GRIK2: variants seen among roughly 807,000 people sequenced by gnomAD.
GRIK2 encodes the protein glutamate receptor ionotropic, kainate 2.
In GRIK2, 32 loss-of-function variants were observed where a neutral mutation model predicts 100.3. The ratio of observed to expected loss-of-function variants is 0.32; its 90% CI spans 0.24 to 0.43. The LOEUF is 0.43. Ranked by LOEUF, GRIK2 falls within the 20% of genes least tolerant of loss-of-function variation. GRIK2 has a pLI of 1.00. For missense variants in GRIK2, 843 were observed against 1,114.9 expected, an observed-to-expected ratio of 0.76 and a Z score of 3.47; for synonymous variants, 417 against 389.4, an observed-to-expected ratio of 1.07 and a Z score of -0.83.
At chr6:102,024,851 G>A (rs1769610147) in intron 14 of GRIK2, among the ~76,000 whole-genome samples, 1 of 150,270 alleles carries the variant, frequency 6.7e-6, no homozygotes, top group South Asian at 2.1e-4. Flanking sequence ...ATAAGTACAA[G>A]TCTAGTTATT....
chr6:101,960,372 A>AGTGT (rs1792220237), intron 14 of GRIK2, among the ~76,000 whole-genome samples: 1 of 151,956 alleles, frequency 6.6e-6, no homozygotes, highest in African/African-American at 2.4e-5. Context: ...CTAGACAGTT[A>AGTGT]GTGTGTTCCT....
intron 14 of GRIK2, among the ~76,000 whole-genome samples, chr6:101,938,259 G>C (rs1790733074): frequency 6.6e-6 from 1 of 151,966 alleles, no homozygotes. Context: ...AAGATGTCAA[G>C]TGATGCACCC....
chr6:102,046,638 C>G (rs977974011), intron 15 of GRIK2, among the ~76,000 whole-genome samples: 1 of 152,116 alleles, frequency 6.6e-6, no homozygotes, highest in Non-Finnish European at 1.5e-5. Flanking sequence ...CTCTTTTCTT[C>G]ATAAATTTCC....
intron 14 of GRIK2, among the ~76,000 whole-genome samples, chr6:102,024,780 G>A (rs1282290152): frequency 1.3e-5 from 2 of 150,892 alleles, no homozygotes; most frequent in Non-Finnish European, 3.0e-5. Flanking sequence ...TTAAAGCTGG[G>A]TCAGGTATAT....
In GRIK2 at chr6:101,859,283, T is replaced by C. The variant is rs371781809; in HGVS notation, c.1318-4T>C. 97 of 1,511,200 alleles carry C rather than the reference T, an allele frequency of 6.4e-5. 1 individual carries two copies. In the African/African-American group the frequency reaches 1.1e-3, roughly 18 times the overall value. The allele number at this position is 1,511,200 out of a possible 1,614,324, so 93.6% of individuals were successfully genotyped here. ...CCTCTTTTCTTCTTTTTCAATGTTT[T>C]CAGGAAGAGCCTTATGTCCTTTTTA... On this transcript the variant is annotated splice_region_variant and splice_polypyrimidine_tract_variant and intron_variant, in intron 10 of 16. Transcript: ENST00000369134.
chr6:102,006,565 G>A (rs753772000), intron 14 of GRIK2, among the ~76,000 whole-genome samples: 2 of 151,160 alleles, frequency 1.3e-5, no homozygotes, highest in East Asian at 2.0e-4. Flanking sequence ...ACAGGGTTTC[G>A]CCATGTTGCC....
At chr6:101,569,489 A>C (rs1042809450) in intron 2 of GRIK2, among the ~76,000 whole-genome samples, 1 of 151,888 alleles carries the variant, frequency 6.6e-6, no homozygotes, top group African/African-American at 2.4e-5. Flanking sequence ...ATAAATATAA[A>C]TATTATAAAG....
At chr6:101,691,084 C>T (rs1281995083) in intron 7 of GRIK2, among the ~76,000 whole-genome samples, 1 of 152,042 alleles carries the variant, frequency 6.6e-6, no homozygotes, top group Admixed American at 6.6e-5. Context: ...AACAGGAGCT[C>T]ATAATGAGAG....
At chr6:102,041,786 G>A (rs182824023) in intron 15 of GRIK2, among the ~76,000 whole-genome samples, 1,555 of 143,244 alleles carry the variant, frequency 0.011, 12 homozygotes, top group Non-Finnish European at 0.017. Context: ...TCTAATACGA[G>A]GTTTTAGAAA....
chr6:101,568,640 C>A (rs928382057), intron 2 of GRIK2, among the ~76,000 whole-genome samples: 2 of 152,004 alleles, frequency 1.3e-5, no homozygotes, highest in Non-Finnish European at 2.9e-5. Context: ...GGATTTTAAA[C>A]TCTTGGTAAT....
intron 2 of GRIK2, among the ~76,000 whole-genome samples, chr6:101,586,334 T>C (rs1403407203): frequency 6.6e-6 from 1 of 152,080 alleles, no homozygotes; most frequent in Non-Finnish European, 1.5e-5. Context: ...CAAAGTTTGT[T>C]TTTACACAGC....
intron 14 of GRIK2, among the ~76,000 whole-genome samples, chr6:102,011,623 A>C (rs1795542058): frequency 8.9e-6 from 1 of 112,908 alleles, no homozygotes; most frequent in Admixed American, 1.4e-4. Context: ...TCACTCTGTC[A>C]CCCAGGTTGG....
intron 2 of GRIK2, among the ~76,000 whole-genome samples, chr6:101,569,151 C>T (rs1040143299): frequency 1.3e-5 from 2 of 151,912 alleles, no homozygotes; most frequent in Non-Finnish European, 2.9e-5. Context: ...ATTCTGAGTC[C>T]TTTGTAACAA....
intron 11 of GRIK2, among the ~76,000 whole-genome samples, chr6:101,870,911 C>T (rs938973354): frequency 7.9e-5 from 12 of 151,810 alleles, no homozygotes; most frequent in African/African-American, 2.9e-4. Flanking sequence ...AATTTGAGAG[C>T]ACGTGTTCTG....
chr6:101,794,910 G>T (rs1177050873), intron 7 of GRIK2, among the ~76,000 whole-genome samples: 1 of 147,728 alleles, frequency 6.8e-6, no homozygotes, highest in African/African-American at 2.5e-5. Flanking sequence ...TTGTCACCCA[G>T]TCTGGAATGC....
At chr6:102,006,705 G>A (rs1282631052) in intron 14 of GRIK2, among the ~76,000 whole-genome samples, 5 of 151,176 alleles carry the variant, frequency 3.3e-5, no homozygotes, top group Admixed American at 2.6e-4. Context: ...TCCTTATTAA[G>A]CCCCTTGACC....
At chr6:102,008,926 A>G (rs1030971413) in intron 14 of GRIK2, among the ~76,000 whole-genome samples, 1 of 152,078 alleles carries the variant, frequency 6.6e-6, no homozygotes, top group African/African-American at 2.4e-5. Flanking sequence ...ACACATGTCC[A>G]TAGTTAAATT....
At chr6:101,677,978 A>G (rs1167765860) in intron 5 of GRIK2, among the ~76,000 whole-genome samples, 1 of 152,098 alleles carries the variant, frequency 6.6e-6, no homozygotes, top group Non-Finnish European at 1.5e-5. Flanking sequence ...TTTTTTTGGC[A>G]ACAAATAAAA....
intron 2 of GRIK2, among the ~76,000 whole-genome samples, chr6:101,443,176 C>T (rs1392103201): frequency 6.6e-6 from 1 of 152,018 alleles, no homozygotes; most frequent in Non-Finnish European, 1.5e-5. Flanking sequence ...GGATAAGAGG[C>T]ACATAGTTAC....
Sources: gnomAD v4.1 joint callset for allele counts (sites outside exome capture counted in the v4.1 genomes callset) on GRCh38, gnomAD v4.1.1 for gene constraint, MANE v1.5 for transcripts, NCBI Gene and HGNC (gene_info 2026-07-23, HGNC 2026-07-21) for gene names.